Variants in SMYD3 observed in about 807,000 individuals in gnomAD.
SMYD3 encodes SET and MYND domain containing 3.
A neutral mutation model predicts 57.7 loss-of-function variants in SMYD3; 36 were observed. The observed-to-expected ratio is 0.62, with a 90% CI of 0.48 to 0.82. The LOEUF is 0.82. Ranked by LOEUF, SMYD3 falls within the 40% of genes least tolerant of loss-of-function variation. SMYD3 has a pLI of 0.00. For missense variants in SMYD3, 515 were observed against 538.8 expected, an observed-to-expected ratio of 0.96 and a Z score of 0.44; for synonymous variants, 211 against 195.0, an observed-to-expected ratio of 1.08 and a Z score of -0.68.
chr1:246,009,201 C>A (rs188761108), intron 5 of SMYD3, among the ~76,000 whole-genome samples: 12 of 152,136 alleles, frequency 7.9e-5, no homozygotes, highest in Admixed American at 2.0e-4. Flanking sequence ...TCCTTCAAGG[C>A]GCTCACAATG....
chr1:246,458,970 T>A (rs535306282), intron 1 of SMYD3, among the ~76,000 whole-genome samples: 1 of 152,126 alleles, frequency 6.6e-6, no homozygotes, highest in African/African-American at 2.4e-5. Flanking sequence ...AACTGTAGAA[T>A]AGGATGTTGA....
intron 5 of SMYD3, among the ~76,000 whole-genome samples, chr1:246,268,532 C>T (rs1415754858): frequency 6.6e-6 from 1 of 151,846 alleles, no homozygotes; most frequent in Non-Finnish European, 1.5e-5. Context: ...CCCGTCTCTA[C>T]TAAAATACAC....
At position 246,419,192 on chromosome 1, in the gene SMYD3, C is replaced by A. The variant is rs192571159; in HGVS notation, c.165-64098G>T. Among the ~76,000 whole-genome samples, 547 of 152,294 alleles carry A rather than the reference C, an allele frequency of 3.6e-3. 3 individuals are homozygous for A. The highest frequency in any genetic ancestry group is 0.012 in the African/African-American group (510 of 41,560). On this transcript the variant is annotated intron_variant, in intron 1 of 11. Coordinates refer to ENST00000490107, the MANE Select transcript of SMYD3 (RefSeq NM_001167740.2). Reference sequence around the variant, plus strand: ...TCTCTATAAGAACTATAGATAAGTTCTTATAGGGATAAACCTATAAGATAA... The same window carrying A: ...TCTCTATAAGAACTATAGATAAGTTATTATAGGGATAAACCTATAAGATAA...
chr1:246,378,795 A>AT (rs1407174655), intron 1 of SMYD3, among the ~76,000 whole-genome samples: 1 of 110,958 alleles, frequency 9.0e-6, no homozygotes, highest in East Asian at 2.1e-4. Context: ...TTAATATATT[A>AT]TTTTTATATA....
At chr1:245,824,523 C>A (rs576448118) in intron 10 of SMYD3, among the ~76,000 whole-genome samples, 3 of 152,172 alleles carry the variant, frequency 2.0e-5, no homozygotes, top group South Asian at 2.1e-4. Context: ...TCGAGACCAG[C>A]CTGGCCAACA....
intron 5 of SMYD3, among the ~76,000 whole-genome samples, chr1:246,001,837 G>A (rs935866977): frequency 6.6e-6 from 1 of 152,102 alleles, no homozygotes; most frequent in Non-Finnish European, 1.5e-5. Context: ...CAGCTACTCA[G>A]AGAAGAGCAT....
At chr1:245,769,125 G>T (rs1307983691) in intron 10 of SMYD3, among the ~76,000 whole-genome samples, 1 of 152,088 alleles carries the variant, frequency 6.6e-6, no homozygotes, top group African/African-American at 2.4e-5. Flanking sequence ...AAATCATTTT[G>T]CAACTCCTGG....
intron 5 of SMYD3, among the ~76,000 whole-genome samples, chr1:246,147,703 G>A (rs562252194): frequency 1.3e-5 from 2 of 152,104 alleles, no homozygotes; most frequent in Non-Finnish European, 2.9e-5. Flanking sequence ...GCTCTTGGTG[G>A]GGGCCGGGAG....
intron 1 of SMYD3, among the ~76,000 whole-genome samples, chr1:246,419,617 C>A (rs1174478439): frequency 6.6e-6 from 1 of 152,288 alleles, no homozygotes; most frequent in South Asian, 2.1e-4. Context: ...TCCCTTACCC[C>A]CTTCCTCATC....
At chr1:246,376,318 G>A (rs977373305) in intron 1 of SMYD3, among the ~76,000 whole-genome samples, 4 of 152,034 alleles carry the variant, frequency 2.6e-5, no homozygotes, top group African/African-American at 7.2e-5. Context: ...GCAGGGCACA[G>A]TAGCTTTGGG....
At chr1:246,196,701 T>C (rs10737785) in intron 5 of SMYD3, among the ~76,000 whole-genome samples, 50,631 of 152,080 alleles carry the variant, frequency 0.33, 10,339 homozygotes, top group East Asian at 0.58. Flanking sequence ...GCCACCAACA[T>C]TTACAGAAAT....
At chr1:246,256,403 T>C (rs1487821931) in intron 5 of SMYD3, among the ~76,000 whole-genome samples, 1 of 152,186 alleles carries the variant, frequency 6.6e-6, no homozygotes, top group Non-Finnish European at 1.5e-5. Flanking sequence ...TCACACTTAG[T>C]ATTAACCATC....
intron 1 of SMYD3, among the ~76,000 whole-genome samples, chr1:246,436,583 T>C (rs534640321): frequency 1.1e-4 from 17 of 152,270 alleles, no homozygotes; most frequent in African/African-American, 3.9e-4. Flanking sequence ...AGTCTTTCCT[T>C]GTCTTTGACA....
chr1:246,373,099 T>C (rs2066217125), intron 1 of SMYD3, among the ~76,000 whole-genome samples: 1 of 152,144 alleles, frequency 6.6e-6, no homozygotes, highest in Admixed American at 6.5e-5. Context: ...GTTTTTTCAA[T>C]GTATTAAAAA....
intron 1 of SMYD3, among the ~76,000 whole-genome samples, chr1:246,447,519 C>T (rs932606786): frequency 1.4e-5 from 2 of 140,858 alleles, no homozygotes; most frequent in African/African-American, 6.4e-5. Context: ...GAGACAGAAA[C>T]TGACTGATTC....
At chr1:245,860,513 C>T (rs1316833880) in intron 9 of SMYD3, among the ~76,000 whole-genome samples, 1 of 152,142 alleles carries the variant, frequency 6.6e-6, no homozygotes, top group Non-Finnish European at 1.5e-5. Context: ...TATCTTACTC[C>T]AAAAGATGAG....
chr1:245,768,951 C>T (rs1433975039), intron 10 of SMYD3, among the ~76,000 whole-genome samples: 3 of 152,098 alleles, frequency 2.0e-5, no homozygotes, highest in Admixed American at 6.5e-5. Context: ...TGTAGCAGCA[C>T]AAACTAAGTT....
At chr1:246,269,329 G>C (rs377016824) in intron 5 of SMYD3, among the ~76,000 whole-genome samples, 10 of 152,134 alleles carry the variant, frequency 6.6e-5, no homozygotes, top group Non-Finnish European at 1.3e-4. Flanking sequence ...TTATAAGAAT[G>C]AATATAATCT....
chr1:245,782,283 A>G (rs1572323215), intron 10 of SMYD3, among the ~76,000 whole-genome samples: 1 of 152,332 alleles, frequency 6.6e-6, no homozygotes, highest in South Asian at 2.1e-4. Context: ...ATTCATACTT[A>G]TCAACTTGTA....
Sources: allele counts gnomAD v4.1 joint callset (sites outside exome capture counted in the v4.1 genomes callset), GRCh38; gene constraint gnomAD v4.1.1; transcripts MANE v1.5; gene names NCBI Gene and HGNC (gene_info 2026-07-23, HGNC 2026-07-21).